The following CSNK2A2IP variants were observed in gnomAD, a reference collection of about 807,000 sequenced individuals.
The protein encoded by CSNK2A2IP is casein kinase 2 subunit alpha' interacting protein.
the CSNK2A2IP span, among the ~76,000 whole-genome samples, chr3:88,348,516 A>G: frequency 6.6e-6 from 1 of 152,100 alleles, no homozygotes. Context: ...TTCTAAGTTA[A>G]GTGAAACATA....
chr3:88,387,577 G>A, the CSNK2A2IP span, among the ~76,000 whole-genome samples: 1 of 152,018 alleles, frequency 6.6e-6, no homozygotes, highest in African/African-American at 2.4e-5. Flanking sequence ...TTTGTATGTA[G>A]CTCATCATTA....
the CSNK2A2IP span, among the ~76,000 whole-genome samples, chr3:88,446,676 C>T: frequency 6.6e-6 from 1 of 152,088 alleles, no homozygotes; most frequent in Non-Finnish European, 1.5e-5. Flanking sequence ...CATTTCTGGA[C>T]TTGTCAGTTG....
chr3:88,374,481 T>C, the CSNK2A2IP span, among the ~76,000 whole-genome samples: 2 of 151,636 alleles, frequency 1.3e-5, no homozygotes, highest in African/African-American at 4.8e-5. Context: ...TAGGTGTAGA[T>C]GGAAGAGTAA....
chr3:88,362,718 T>C, the CSNK2A2IP span, among the ~76,000 whole-genome samples: 1 of 152,186 alleles, frequency 6.6e-6, no homozygotes, highest in Admixed American at 6.5e-5. Context: ...AGGTGGCAGA[T>C]TCCCTTTCAG....
chr3:88,419,845 G>A, the CSNK2A2IP span, among the ~76,000 whole-genome samples: 32 of 151,970 alleles, frequency 2.1e-4, no homozygotes, highest in South Asian at 1.0e-3. Flanking sequence ...ATAAAAAACC[G>A]TTTGCTTTAA....
chr3:88,466,212 C>T, the CSNK2A2IP span: 3 of 1,231,552 alleles, frequency 2.4e-6, no homozygotes, highest in African/African-American at 3.1e-5. Flanking sequence ...CTATATTGAA[C>T]TCTAACCCCA....
chr3:88,440,497 G>A, the CSNK2A2IP span, among the ~76,000 whole-genome samples: 1 of 152,066 alleles, frequency 6.6e-6, no homozygotes, highest in East Asian at 1.9e-4. Context: ...AATATATATA[G>A]GAAAGTGGAT....
chr3:88,365,857 C>A, the CSNK2A2IP span, among the ~76,000 whole-genome samples: 1 of 152,094 alleles, frequency 6.6e-6, no homozygotes, highest in African/African-American at 2.4e-5. Flanking sequence ...ATGTGATAAT[C>A]TCATGGAAGA....
the CSNK2A2IP span, among the ~76,000 whole-genome samples, chr3:88,366,411 A>G: frequency 6.6e-6 from 1 of 152,124 alleles, no homozygotes; most frequent in Non-Finnish European, 1.5e-5. Flanking sequence ...TCAACCTATA[A>G]AGCAAATTAT....
the CSNK2A2IP span, among the ~76,000 whole-genome samples, chr3:88,445,315 T>G: frequency 2.7e-5 from 3 of 111,056 alleles, no homozygotes; most frequent in Admixed American, 1.3e-4. Flanking sequence ...CCAGGCTTGG[T>G]GACATGCACC....
At chr3:88,409,334 T>A in the CSNK2A2IP span, among the ~76,000 whole-genome samples, 7 of 152,040 alleles carry the variant, frequency 4.6e-5, no homozygotes, top group African/African-American at 1.7e-4. Flanking sequence ...TCCTCACATT[T>A]TCTGAGAAAA....
the CSNK2A2IP span, among the ~76,000 whole-genome samples, chr3:88,425,059 T>C: frequency 1.3e-5 from 2 of 152,072 alleles, no homozygotes; most frequent in Non-Finnish European, 2.9e-5. Context: ...CATTAACATA[T>C]CATTTTAGAA....
At chr3:88,350,865 G>A in the CSNK2A2IP span, among the ~76,000 whole-genome samples, 2 of 152,120 alleles carry the variant, frequency 1.3e-5, no homozygotes, top group African/African-American at 4.8e-5. Context: ...CCCATGATCT[G>A]TTGGTCACTG....
the CSNK2A2IP span, among the ~76,000 whole-genome samples, chr3:88,449,486 T>C: frequency 2.6e-5 from 4 of 152,050 alleles, no homozygotes; most frequent in East Asian, 7.8e-4. Context: ...CCATTTTCTT[T>C]CTCATAGGTT....
the CSNK2A2IP span, among the ~76,000 whole-genome samples, chr3:88,368,497 A>T: frequency 2.0e-5 from 3 of 152,006 alleles, no homozygotes; most frequent in African/African-American, 4.8e-5. Flanking sequence ...AGACCTTAAG[A>T]AGTAGTAGTA....
chr3:88,438,850 C>G, the CSNK2A2IP span, among the ~76,000 whole-genome samples: 5 of 152,032 alleles, frequency 3.3e-5, no homozygotes, highest in Non-Finnish European at 7.4e-5. Flanking sequence ...GAGTGTTGGT[C>G]GTGAACCTTA....
At chr3:88,405,661 GTAGTGCATTTATTAAACTCTCTTCCAAT>G in the CSNK2A2IP span, among the ~76,000 whole-genome samples, 3 of 152,118 alleles carry the variant, frequency 2.0e-5, no homozygotes, top group South Asian at 2.1e-4. Flanking sequence ...ACCTTGATAA[GTAGTGCATTTATTAAACTCTCTTCCAAT>G]TATTTCAATT....
the CSNK2A2IP span, among the ~76,000 whole-genome samples, chr3:88,439,350 C>T: frequency 6.6e-6 from 1 of 151,906 alleles, no homozygotes; most frequent in Admixed American, 6.6e-5. Flanking sequence ...AATTTACAGT[C>T]TAATAAAACA....
chr3:88,436,193 T>C, the CSNK2A2IP span, among the ~76,000 whole-genome samples: 1 of 152,132 alleles, frequency 6.6e-6, no homozygotes, highest in Non-Finnish European at 1.5e-5. Context: ...CCTCATATAA[T>C]ATGCATTACC....
Sources: allele counts gnomAD v4.1 joint callset (sites outside exome capture counted in the v4.1 genomes callset), GRCh38; gene constraint gnomAD v4.1.1; transcripts MANE v1.5; gene names NCBI Gene and HGNC (gene_info 2026-07-23, HGNC 2026-07-21).